DMC1: variants seen among roughly 807,000 people sequenced by gnomAD.
The protein encoded by DMC1 is DNA meiotic recombinase 1, also known as meiotic recombination protein DMC1 homolog.
A neutral mutation model predicts 50.1 loss-of-function variants in DMC1; 27 were observed. That is an observed-to-expected ratio of 0.54 (90% CI 0.40 to 0.74). The LOEUF is 0.74. Ranked by LOEUF, DMC1 falls within the 30% of genes least tolerant of loss-of-function variation. The pLI is 0.00. For synonymous variants in DMC1, 148 were observed against 136.1 expected (o/e 1.09, Z -0.61); for missense variants, 295 against 420.2 (o/e 0.70, Z 2.60).
intron 8 of DMC1, among the ~76,000 whole-genome samples, chr22:38,542,121 CTG>C (rs1036872219): frequency 6.8e-6 from 1 of 147,814 alleles, no homozygotes; most frequent in Non-Finnish European, 1.5e-5. Context: ...TGGGGAAAAA[CTG>C]AAAGTCTTTC....
chr22:38,522,620 A>G (rs1334544373), intron 12 of DMC1, among the ~76,000 whole-genome samples: 5 of 152,178 alleles, frequency 3.3e-5, no homozygotes, highest in East Asian at 1.9e-4. Flanking sequence ...GAAATCATCA[A>G]TAAGGGAACA....
the DMC1 span, among the ~76,000 whole-genome samples, chr22:38,513,141 C>A: frequency 6.6e-6 from 1 of 151,984 alleles, no homozygotes; most frequent in East Asian, 1.9e-4. Flanking sequence ...GCAGAAACAG[C>A]CTGGGCATGG....
At chr22:38,528,906 TC>T (rs2090125305) in intron 12 of DMC1, among the ~76,000 whole-genome samples, 1 of 152,238 alleles carries the variant, frequency 6.6e-6, no homozygotes, top group Admixed American at 6.5e-5. Flanking sequence ...TCTTTGAACT[TC>T]CTGACTATTA....
At chr22:38,536,498 C>G (rs1431264093) in intron 12 of DMC1, among the ~76,000 whole-genome samples, 2 of 152,152 alleles carry the variant, frequency 1.3e-5, no homozygotes, top group Admixed American at 6.6e-5. Flanking sequence ...TGCACAAACA[C>G]TTCAACAAAT....
At chr22:38,540,882 C>T (rs769209045) in intron 8 of DMC1, among the ~76,000 whole-genome samples, 5 of 152,126 alleles carry the variant, frequency 3.3e-5, no homozygotes, top group Non-Finnish European at 7.4e-5. Flanking sequence ...GCCTCCATAA[C>T]AACTGTTTCA....
chr22:38,521,504 G>A (rs1233573822), intron 13 of DMC1, 104 bp downstream of exon 13: 4 of 784,852 alleles, frequency 5.1e-6, no homozygotes, highest in Non-Finnish European at 8.4e-6. Context: ...AGGAGTTTGA[G>A]ACCAGCTCGG....
At chr22:38,511,009 C>T in the DMC1 span, among the ~76,000 whole-genome samples, 1 of 152,178 alleles carries the variant, frequency 6.6e-6, no homozygotes, top group Non-Finnish European at 1.5e-5. Context: ...TGGCATGTGC[C>T]TATAGTCCCA....
At chr22:38,520,779 T>C (rs1257847738) in intron 13 of DMC1, among the ~76,000 whole-genome samples, 12 of 152,194 alleles carry the variant, frequency 7.9e-5, no homozygotes, top group Non-Finnish European at 1.6e-4. Flanking sequence ...AACTGTAAAA[T>C]ACTTTGAAAT....
chr22:38,539,397 A>G lies in DMC1; in HGVS notation c.510T>C (p.Leu170=). The change falls in exon 9 of 14, where the codon CTT becomes CTC. Residue 170 remains leucine (L), a synonymous_variant. Coordinates refer to ENST00000216024, the MANE Select transcript of DMC1 (RefSeq NM_007068.4). ...DTENTFRPDR[L]RDIADRFNVD... ...CATTAAAGCGATCAGCAATGTCCCT[A>G]AGGCGATCTGGACGGCTGGAGTATG... 6.2e-7 allele frequency: 1 copy of G among 1,613,948 alleles called. No homozygotes were observed. The highest frequency in any genetic ancestry group is 8.5e-7 in the Non-Finnish European group (1 of 1,179,870).
intron 6 of DMC1, 88 bp from the exon 7 acceptor site, chr22:38,552,795 GT>G: frequency 1.1e-6 from 1 of 882,814 alleles, no homozygotes; most frequent in African/African-American, 1.7e-5. Flanking sequence ...GAATATTACT[GT>G]TTTCTTTTTC....
At chr22:38,517,064 G>T (rs2089981041), downstream of DMC1, among the ~76,000 whole-genome samples, 1 of 152,116 alleles carries the variant, frequency 6.6e-6, no homozygotes, top group East Asian at 1.9e-4. Flanking sequence ...AAATTAGATG[G>T]GTGGCCCCTA....
At chr22:38,550,054 CTATATA>C in intron 7 of DMC1, 57 bp from the exon 8 acceptor site, 1 of 1,262,074 alleles carries the variant, frequency 7.9e-7, no homozygotes, top group South Asian at 1.3e-5. Flanking sequence ...GTACACATGA[CTATATA>C]AATACACATG....
intron 12 of DMC1, among the ~76,000 whole-genome samples, chr22:38,525,364 C>T (rs2090076982): frequency 6.6e-6 from 1 of 152,108 alleles, no homozygotes; most frequent in South Asian, 2.1e-4. Context: ...AAGATAGATT[C>T]CCCCAGTTGA....
chr22:38,551,856 C>CT (rs71761663), intron 7 of DMC1, among the ~76,000 whole-genome samples: 6,620 of 93,098 alleles, frequency 0.071, 355 homozygotes, highest in Non-Finnish European at 0.097. Flanking sequence ...GAACTCCTTT[C>CT]TTTTTTTTTT....
downstream of DMC1, among the ~76,000 whole-genome samples, chr22:38,517,800 G>A (rs1483390053): frequency 6.6e-6 from 1 of 152,164 alleles, no homozygotes; most frequent in East Asian, 1.9e-4. Context: ...CAGGGAAGCA[G>A]CTTCTGTGGT....
In DMC1 at chr22:38,568,140, A is replaced by G. The variant is rs368406694; in HGVS notation, c.51+66T>C. ...TCAGCTTCTAAAAATAGTAGCTAAC[A>G]GGGAAGGAACTTGATTTTTGCGGAA... is the stretch of plus-strand genomic sequence containing the variant. On this transcript the variant is annotated intron_variant, in intron 2 of 13. Transcript: ENST00000216024. The G allele has an allele frequency of 3.4e-5, 48 of 1,405,432 alleles. No individual in the cohort carries two copies. In the African/African-American group the frequency reaches 6.1e-4, roughly 18 times the overall value. 87.1% of individuals were successfully genotyped at this position (1,405,432 alleles called of 1,614,324 possible).
Position 38,562,699 on chromosome 22 carries a change from T to TAC in DMC1, c.244-332_244-331dup, listed in dbSNP as rs766690771. 9.0e-4 allele frequency among the ~76,000 whole-genome samples: 136 copies of TAC among 151,530 alleles called. 1 individual carries two copies. The East Asian group carries it at 0.023, about 26-fold the overall frequency. On this transcript the variant is annotated intron_variant, in intron 4 of 13. Transcript: ENST00000216024. Reference sequence around the variant, plus strand: ...CTGTGAAAATTAAATTATATATATATACACACACACACATATGTATACACA... The same window carrying TAC: ...CTGTGAAAATTAAATTATATATATATACACACACACACACATATGTATACACA...
intron 4 of DMC1, among the ~76,000 whole-genome samples, chr22:38,563,843 G>A (rs1268609936): frequency 6.6e-6 from 1 of 152,072 alleles, no homozygotes; most frequent in Admixed American, 6.6e-5. Flanking sequence ...GGGACTACAG[G>A]CGCCTGCCAC....
the DMC1 span, among the ~76,000 whole-genome samples, chr22:38,511,259 A>G: frequency 6.6e-6 from 1 of 151,906 alleles, no homozygotes; most frequent in Non-Finnish European, 1.5e-5. Context: ...TTATCCAACA[A>G]CCATTCTCCC....
Sources: allele counts gnomAD v4.1 joint callset (sites outside exome capture counted in the v4.1 genomes callset), GRCh38; gene constraint gnomAD v4.1.1; transcripts MANE v1.5; gene names NCBI Gene and HGNC (gene_info 2026-07-23, HGNC 2026-07-21).